The following ITPK1 variants were observed in gnomAD, a reference collection of about 807,000 sequenced individuals.
ITPK1 encodes inositol-tetrakisphosphate 1-kinase.
ITPK1 carries 21 observed loss-of-function variants against 45.3 expected under a neutral mutation model. That is an observed-to-expected ratio of 0.46 (90% CI 0.33 to 0.67). The LOEUF is 0.67. ITPK1 is among the 30% of genes least tolerant of loss of function. The pLI, the probability that ITPK1 is intolerant of heterozygous loss-of-function variation, is 0.02. For missense variants in ITPK1, 474 were observed against 573.5 expected (o/e 0.83, Z 1.77); for synonymous variants, 258 against 253.6 (o/e 1.02, Z -0.16).
intron 3 of ITPK1, chr14:93,066,341 T>TGTGTG: frequency 6.0e-6 from 2 of 332,358 alleles, no homozygotes; most frequent in Non-Finnish European, 5.8e-6. Flanking sequence ...TGTGTGTGTG[T>TGTGTG]AGGGGGCAGA....
intron 2 of ITPK1, among the ~76,000 whole-genome samples, chr14:93,113,801 C>T (rs965857854): frequency 6.6e-6 from 1 of 152,240 alleles, no homozygotes; most frequent in South Asian, 2.1e-4. Flanking sequence ...CAGCCAACCC[C>T]ATCCCCAGAC....
intron 4 of ITPK1, among the ~76,000 whole-genome samples, chr14:93,002,019 C>A (rs1342459742): frequency 6.6e-6 from 1 of 152,194 alleles, no homozygotes; most frequent in African/African-American, 2.4e-5. Flanking sequence ...CTCAAAACAA[C>A]CCTATGTAGA....
Position 92,995,869 on chromosome 14 carries a change from C to T in ITPK1, c.247-1872G>A, listed in dbSNP as rs140980770. Among the ~76,000 whole-genome samples the T allele has an allele frequency of 9.7e-3, 1,476 of 152,342 alleles. 24 individuals carry two copies. Among genetic ancestry groups the T allele is most frequent in the African/African-American group, 0.033 (1,374 of 41,576 alleles). On this transcript the variant is annotated intron_variant, in intron 4 of 10. Coordinates refer to ENST00000267615, the MANE Select transcript of ITPK1 (RefSeq NM_014216.6). Reference sequence around the variant, plus strand: ...GAGCTGCCCTGGGGCCAAGCAGCCACACCCAGTGCCTCTCTCCTGACAGTC... The same window carrying T: ...GAGCTGCCCTGGGGCCAAGCAGCCATACCCAGTGCCTCTCTCCTGACAGTC...
intron 3 of ITPK1, chr14:93,067,657 C>G (rs905482749): frequency 6.6e-6 from 1 of 152,090 alleles, no homozygotes; most frequent in African/African-American, 2.4e-5. Flanking sequence ...CATTTCCCCA[C>G]GCTGTCTTCC....
chr14:92,987,518 G>A (rs76999478), intron 5 of ITPK1, among the ~76,000 whole-genome samples: 1 of 152,172 alleles, frequency 6.6e-6, no homozygotes, highest in African/African-American at 2.4e-5. Context: ...CAGAGGACAG[G>A]AGCAGAACCC....
intron 3 of ITPK1, among the ~76,000 whole-genome samples, chr14:93,017,594 CAT>C (rs1291858269): frequency 1.3e-5 from 2 of 152,242 alleles, no homozygotes; most frequent in Non-Finnish European, 1.5e-5. Flanking sequence ...TGACCCGCCA[CAT>C]GTCTCCCTCC....
rs1363739733 is a variant in ITPK1, at chr14:93,012,652, C to T, written c.246+4024G>A. On this transcript the variant is annotated intron_variant, in intron 4 of 10. Coordinates refer to ENST00000267615, the MANE Select transcript of ITPK1 (RefSeq NM_014216.6). This position sits in a 1 kb window ranked among gnomAD's most constrained non-coding sequence, Gnocchi z 4.9. ...TGGCCTCTCCTCCTGGCCAGGAGCT[C>T]GCGGGCAGGGCACCCAGCAGTGCTG... Among the ~76,000 whole-genome samples, 1 of 152,086 alleles carries T rather than the reference C, an allele frequency of 6.6e-6. No homozygotes were observed. Among genetic ancestry groups the T allele is most frequent in the Non-Finnish European group, 1.5e-5 (1 of 68,000 alleles).
At chr14:93,020,614 C>T (rs369948080) in intron 3 of ITPK1, among the ~76,000 whole-genome samples, 20 of 152,292 alleles carry the variant, frequency 1.3e-4, no homozygotes, top group East Asian at 9.6e-4. Flanking sequence ...AGGATTGCAC[C>T]GTAACCCCAG....
At chr14:93,078,132 T>TG (rs1566773787) in intron 2 of ITPK1, among the ~76,000 whole-genome samples, 1 of 152,232 alleles carries the variant, frequency 6.6e-6, no homozygotes, top group Admixed American at 6.5e-5. Flanking sequence ...GCTCAGCTCC[T>TG]GGGCCCAGCA....
intron 7 of ITPK1, among the ~76,000 whole-genome samples, chr14:92,962,033 C>T (rs1213519985): frequency 1.3e-5 from 2 of 152,230 alleles, no homozygotes; most frequent in Admixed American, 6.5e-5. Flanking sequence ...ATAAATGTGG[C>T]GAAGCCACCC....
At chr14:93,055,102 C>T (rs1890167621) in intron 3 of ITPK1, among the ~76,000 whole-genome samples, 1 of 152,174 alleles carries the variant, frequency 6.6e-6, no homozygotes, top group Non-Finnish European at 1.5e-5. Context: ...CATCTTTGGC[C>T]ACGTTTCATG....
At chr14:93,100,610 G>T (rs1287743565) in intron 2 of ITPK1, among the ~76,000 whole-genome samples, 1 of 151,884 alleles carries the variant, frequency 6.6e-6, no homozygotes, top group African/African-American at 2.4e-5. Flanking sequence ...TTGGACTGTC[G>T]CCTGAGTCTA....
intron 5 of ITPK1, among the ~76,000 whole-genome samples, chr14:92,965,504 G>A (rs1885295362): frequency 6.6e-6 from 1 of 152,118 alleles, no homozygotes; most frequent in South Asian, 2.1e-4. Flanking sequence ...CATTAGGCAA[G>A]AAAAATGAAA....
At chr14:93,044,695 T>A (rs1181380671) in intron 3 of ITPK1, among the ~76,000 whole-genome samples, 1 of 152,156 alleles carries the variant, frequency 6.6e-6, no homozygotes, top group Admixed American at 6.5e-5. Flanking sequence ...GGTGGGACAG[T>A]GGCCCAGCGG....
Position 92,937,823 on chromosome 14 carries a change from A to T in ITPK1, c.*3738T>A, listed in dbSNP as rs1887190901. Reference sequence around the variant, plus strand: ...AGCTGCACTTCTCTGCCTCCCGGTCACCAGGCTGGAGGGGTCGTGCTCCTT... The same window carrying T: ...AGCTGCACTTCTCTGCCTCCCGGTCTCCAGGCTGGAGGGGTCGTGCTCCTT... On this transcript the variant is annotated 3_prime_UTR_variant, in exon 11 of 11. Transcript: ENST00000267615. The T allele has an allele frequency of 6.6e-6, 1 of 152,512 alleles. No homozygotes were observed. The allele number at this position is 152,512 out of a possible 1,614,324, so 9.4% of individuals were successfully genotyped here.
chr14:92,943,405 T>C (rs1887529233), intron 10 of ITPK1, among the ~76,000 whole-genome samples: 1 of 152,212 alleles, frequency 6.6e-6, no homozygotes, highest in South Asian at 2.1e-4. Context: ...AAGGACGCCC[T>C]TGGTCTTGTG....
intron 2 of ITPK1, among the ~76,000 whole-genome samples, chr14:93,088,699 C>G (rs1375311516): frequency 6.6e-6 from 1 of 152,022 alleles, no homozygotes; most frequent in Non-Finnish European, 1.5e-5. Context: ...CTATGTTGCC[C>G]AGTAGGTTGC....
intron 4 of ITPK1, among the ~76,000 whole-genome samples, chr14:93,007,339 A>T (rs932965699): frequency 6.6e-6 from 1 of 151,886 alleles, no homozygotes; most frequent in Non-Finnish European, 1.5e-5. Flanking sequence ...TGCCTGCTGG[A>T]GCCCCACCCA....
At position 93,115,065 on chromosome 14, in the gene ITPK1, T is replaced by C; in HGVS notation, c.95+4A>G. On this transcript the variant is annotated splice_donor_region_variant and intron_variant, in intron 2 of 10. Transcript: ENST00000267615. Reference sequence around the variant, plus strand: ...CCGGGCGCCGGCGCCGCGTCCCTCCTTACCTGCACAGCTCGGCGAAGGCCT... The same window carrying C: ...CCGGGCGCCGGCGCCGCGTCCCTCCCTACCTGCACAGCTCGGCGAAGGCCT... The C allele has an allele frequency of 6.3e-7, 1 of 1,587,370 alleles. No individual in the cohort carries two copies. The highest frequency in any genetic ancestry group is 8.6e-7 in the Non-Finnish European group (1 of 1,169,336).
Sources: allele counts gnomAD v4.1 joint callset (sites outside exome capture counted in the v4.1 genomes callset), GRCh38; gene constraint gnomAD v4.1.1; non-coding constraint Gnocchi (gnomAD v3.1); transcripts MANE v1.5; gene names NCBI Gene and HGNC (gene_info 2026-07-23, HGNC 2026-07-21).